CTNNA3: variants seen among roughly 807,000 people sequenced by gnomAD.
CTNNA3 encodes catenin alpha-3.
CTNNA3 carries 76 observed loss-of-function variants against 95.7 expected under a neutral mutation model. That is an observed-to-expected ratio of 0.79 (90% CI 0.66 to 0.96). The LOEUF is 0.96. Ranked by LOEUF, CTNNA3 falls within the 40% of genes least tolerant of loss-of-function variation. The pLI, the probability that CTNNA3 is intolerant of heterozygous loss-of-function variation, is 0.00. For missense variants in CTNNA3, 1,191 were observed against 1,089.8 expected (o/e 1.09, Z -1.31); for synonymous variants, 431 against 374.4 (o/e 1.15, Z -1.74).
chr10:66,572,565 CA>C (rs767209768), intron 10 of CTNNA3, among the ~76,000 whole-genome samples: 38 of 130,900 alleles, frequency 2.9e-4, no homozygotes, highest in Non-Finnish European at 2.5e-4. Flanking sequence ...GGCCAGGACT[CA>C]AAAAAAAAAA....
chr10:66,476,085 C>T (rs1427766806), intron 11 of CTNNA3, among the ~76,000 whole-genome samples: 1 of 152,042 alleles, frequency 6.6e-6, no homozygotes, highest in Admixed American at 6.6e-5. Flanking sequence ...AGCTGGAAGC[C>T]ATCATCCTTA....
intron 7 of CTNNA3, among the ~76,000 whole-genome samples, chr10:67,143,425 T>TTAAAAAAAAAAAA (rs1860686365): frequency 3.9e-5 from 3 of 76,006 alleles, no homozygotes; most frequent in African/African-American, 1.5e-4. Flanking sequence ...GGCTCTGTCT[T>TTAAAAAAAAAAAA]AAAAAAAAAA....
chr10:66,638,144 G>A (rs1417278116), intron 9 of CTNNA3, among the ~76,000 whole-genome samples: 1 of 152,154 alleles, frequency 6.6e-6, no homozygotes, highest in African/African-American at 2.4e-5. Flanking sequence ...CATTCTAGGC[G>A]TTCTCTGCAA....
At chr10:67,250,359 G>C (rs915760605) in intron 5 of CTNNA3, among the ~76,000 whole-genome samples, 15 of 152,186 alleles carry the variant, frequency 9.9e-5, no homozygotes, top group African/African-American at 3.6e-4. Context: ...GGGACTACAG[G>C]TGCCTGCCAC....
At chr10:66,077,785 A>T (rs1298750493) in intron 14 of CTNNA3, among the ~76,000 whole-genome samples, 1 of 151,842 alleles carries the variant, frequency 6.6e-6, no homozygotes, top group Non-Finnish European at 1.5e-5. Flanking sequence ...ATGTGATCCT[A>T]GCACGGCCAT....
intron 7 of CTNNA3, among the ~76,000 whole-genome samples, chr10:67,151,444 C>T (rs1472509269): frequency 1.3e-5 from 2 of 151,974 alleles, no homozygotes; most frequent in East Asian, 3.9e-4. Context: ...GGAAAAGTGC[C>T]CAATCACTTT....
chr10:67,673,603 C>G (rs1840482022), intron 1 of CTNNA3, among the ~76,000 whole-genome samples: 1 of 146,806 alleles, frequency 6.8e-6, no homozygotes, highest in Non-Finnish European at 1.5e-5. Context: ...GCCTTTTCTG[C>G]ATCTATTGAG....
At chr10:66,365,920 G>C (rs1437025309) in intron 12 of CTNNA3, among the ~76,000 whole-genome samples, 1 of 152,126 alleles carries the variant, frequency 6.6e-6, no homozygotes, top group Non-Finnish European at 1.5e-5. Context: ...TTTAGCCTCA[G>C]TTGAGACTTA....
At chr10:66,729,831 G>C (rs915459550) in intron 9 of CTNNA3, among the ~76,000 whole-genome samples, 1 of 152,142 alleles carries the variant, frequency 6.6e-6, no homozygotes, top group South Asian at 2.1e-4. Flanking sequence ...TAGGCCAGGC[G>C]TGGTGGCTCA....
chr10:67,518,040 C>A (rs1256876866), intron 5 of CTNNA3, among the ~76,000 whole-genome samples: 1 of 152,118 alleles, frequency 6.6e-6, no homozygotes, highest in Non-Finnish European at 1.5e-5. Context: ...ATAGGACTTA[C>A]TTTATACTTG....
At chr10:67,385,458 T>C (rs533842849) in intron 5 of CTNNA3, among the ~76,000 whole-genome samples, 2 of 152,360 alleles carry the variant, frequency 1.3e-5, no homozygotes, top group South Asian at 2.1e-4. Flanking sequence ...CTAATCTCTA[T>C]TGAGACCCAG....
intron 5 of CTNNA3, among the ~76,000 whole-genome samples, chr10:67,346,256 G>C (rs1270645826): frequency 6.6e-6 from 1 of 152,010 alleles, no homozygotes; most frequent in African/African-American, 2.4e-5. Context: ...CTTAAGAGTA[G>C]TTTATGCACC....
At chr10:66,081,165 G>A (rs1428324994) in intron 14 of CTNNA3, among the ~76,000 whole-genome samples, 1 of 152,194 alleles carries the variant, frequency 6.6e-6, no homozygotes, top group Non-Finnish European at 1.5e-5. Context: ...CCTTCTGAAA[G>A]AGATATGATG....
chr10:65,959,279 G>C (rs1430445053), intron 17 of CTNNA3, among the ~76,000 whole-genome samples: 1 of 152,140 alleles, frequency 6.6e-6, no homozygotes, highest in Non-Finnish European at 1.5e-5. Context: ...CAATTTTCCA[G>C]TTACCATCTG....
chr10:67,050,435 A>T (rs1319182840), intron 7 of CTNNA3, among the ~76,000 whole-genome samples: 3 of 152,214 alleles, frequency 2.0e-5, no homozygotes, highest in Non-Finnish European at 4.4e-5. Flanking sequence ...ATGACTTAAG[A>T]ATATTAGAAA....
At chr10:66,822,685 C>T (rs1589294654) in intron 7 of CTNNA3, among the ~76,000 whole-genome samples, 1 of 152,082 alleles carries the variant, frequency 6.6e-6, no homozygotes, top group East Asian at 1.9e-4. Context: ...GGGCACAGAT[C>T]CTATTAAAGA....
At chr10:66,921,259 C>T (rs994013137) in intron 7 of CTNNA3, among the ~76,000 whole-genome samples, 4 of 152,122 alleles carry the variant, frequency 2.6e-5, no homozygotes, top group African/African-American at 9.7e-5. Flanking sequence ...GCTCCAATAC[C>T]ATGACCTAAT....
chr10:66,194,564 G>A (rs910501530), intron 13 of CTNNA3, among the ~76,000 whole-genome samples: 1 of 152,190 alleles, frequency 6.6e-6, no homozygotes, highest in African/African-American at 2.4e-5. Context: ...TGGTGACAGA[G>A]AGAGAGACTC....
intron 2 of CTNNA3, among the ~76,000 whole-genome samples, chr10:67,622,569 A>T (rs1843882415): frequency 6.6e-6 from 1 of 152,232 alleles, no homozygotes. Flanking sequence ...AGATCATCTC[A>T]AAGCTACCAG....
Sources: gnomAD v4.1 joint callset for allele counts (sites outside exome capture counted in the v4.1 genomes callset) on GRCh38, gnomAD v4.1.1 for gene constraint, MANE v1.5 for transcripts, NCBI Gene and HGNC (gene_info 2026-07-23, HGNC 2026-07-21) for gene names.